Variants in SCGB2B2 observed in about 807,000 individuals in gnomAD.
The protein encoded by SCGB2B2 is secretoglobin-like protein.
In SCGB2B2, 11 loss-of-function variants were observed where a neutral mutation model predicts 7.6. The ratio of observed to expected loss-of-function variants is 1.45; its 90% CI spans 0.91 to 2.40. The LOEUF (loss-of-function observed/expected upper bound fraction) is 2.40, where lower values mean the gene tolerates loss of function less well. Among genes scored for constraint, SCGB2B2 ranks in the 30% most tolerant of loss-of-function variants. SCGB2B2 has a pLI of 0.00. For missense variants in SCGB2B2, 104 were observed against 115.4 expected (o/e 0.90, Z 0.45); for synonymous variants, 50 against 48.6 (o/e 1.03, Z -0.12).
intron 1 of SCGB2B2, among the ~76,000 whole-genome samples, chr19:34,663,741 G>A (rs547187563): frequency 2.6e-5 from 4 of 152,212 alleles, no homozygotes; most frequent in East Asian, 3.9e-4. Context: ...AAAGATGAGA[G>A]GCCATGGGAG....
chr19:34,616,067 T>C (rs564266149), intron 1 of SCGB2B2, among the ~76,000 whole-genome samples: 1,524 of 150,596 alleles, frequency 0.01, 12 homozygotes, highest in Non-Finnish European at 0.017. Flanking sequence ...ATGTGCCACA[T>C]TTTCTTAATC....
chr19:34,637,410 G>A (rs779666411), intron 1 of SCGB2B2, among the ~76,000 whole-genome samples: 16 of 152,178 alleles, frequency 1.1e-4, no homozygotes, highest in Non-Finnish European at 2.2e-4. Flanking sequence ...GAAGGAAACA[G>A]CAGCTCCTGG....
chr19:34,597,772 G>A (rs896957154), intron 1 of SCGB2B2, among the ~76,000 whole-genome samples: 2 of 152,172 alleles, frequency 1.3e-5, no homozygotes, highest in South Asian at 4.1e-4. Context: ...GCAGAGAGCG[G>A]GGCCCAGGGC....
intron 1 of SCGB2B2, among the ~76,000 whole-genome samples, chr19:34,615,179 T>C (rs1185147606): frequency 6.6e-6 from 1 of 152,084 alleles, no homozygotes; most frequent in Non-Finnish European, 1.5e-5. Context: ...CACAGTGCAA[T>C]AGCTGTATGG....
intron 1 of SCGB2B2, chr19:34,645,697 G>A (rs978199159): frequency 2.4e-6 from 1 of 425,052 alleles, no homozygotes; most frequent in South Asian, 2.0e-5. Flanking sequence ...CTCTTCTGCT[G>A]GCTCTAATCT....
At chr19:34,627,344 G>A (rs756923243) in intron 1 of SCGB2B2, among the ~76,000 whole-genome samples, 5 of 152,198 alleles carry the variant, frequency 3.3e-5, no homozygotes, top group Admixed American at 6.5e-5. Flanking sequence ...ACCCATCATT[G>A]TGCTGTATTC....
chr19:34,619,236 T>C (rs2066174149), intron 1 of SCGB2B2, among the ~76,000 whole-genome samples: 1 of 152,150 alleles, frequency 6.6e-6, no homozygotes, highest in South Asian at 2.1e-4. Context: ...AGACAGAATT[T>C]CATCAATAAA....
chr19:34,657,328 C>T (rs2067309074), intron 1 of SCGB2B2, among the ~76,000 whole-genome samples: 1 of 150,918 alleles, frequency 6.6e-6, no homozygotes, highest in African/African-American at 2.5e-5. Context: ...GAGTCAAGAC[C>T]CATCAGTGTG....
intron 1 of SCGB2B2, among the ~76,000 whole-genome samples, chr19:34,641,229 A>C (rs1173085228): frequency 2.6e-5 from 4 of 152,110 alleles, no homozygotes; most frequent in Non-Finnish European, 5.9e-5. Context: ...TCTGGTAGTC[A>C]TCGTAATAGT....
chr19:34,599,196 G>A (rs1389101440), intron 1 of SCGB2B2, among the ~76,000 whole-genome samples: 1 of 152,236 alleles, frequency 6.6e-6, no homozygotes, highest in Non-Finnish European at 1.5e-5. Flanking sequence ...GAGCTGGTGA[G>A]CCTGCTGAGC....
At chr19:34,616,280 G>A (rs2066077288) in intron 1 of SCGB2B2, among the ~76,000 whole-genome samples, 1 of 148,790 alleles carries the variant, frequency 6.7e-6, no homozygotes. Flanking sequence ...TTACACAATG[G>A]TTGAACTAGT....
At chr19:34,642,083 G>C (rs1166134759) in intron 1 of SCGB2B2, among the ~76,000 whole-genome samples, 1 of 152,194 alleles carries the variant, frequency 6.6e-6, no homozygotes, top group East Asian at 1.9e-4. Context: ...CCAGGAAGCT[G>C]ACAAGCTGGC....
At chr19:34,599,368 G>A (rs1377834195) in intron 1 of SCGB2B2, among the ~76,000 whole-genome samples, 2 of 152,204 alleles carry the variant, frequency 1.3e-5, no homozygotes, top group African/African-American at 2.4e-5. Context: ...TGCCAATAAA[G>A]ACATACTTGA....
chr19:34,593,450 G>T lies in SCGB2B2; in HGVS notation c.*105C>A. ...TGCCAGAACACAGAACTGAGCTGCA[G>T]GTGTTCATTGGGGTCTCTGTAGTGA... On this transcript the variant is annotated 3_prime_UTR_variant, in exon 4 of 4. Coordinates refer to ENST00000601241, the MANE Select transcript of SCGB2B2 (RefSeq NM_001025591.4). The T allele has an allele frequency of 2.5e-6, 2 of 790,612 alleles. No individual in the cohort carries two copies. Among genetic ancestry groups the T allele is most frequent in the Non-Finnish European group, 4.2e-6 (2 of 471,820 alleles). The allele number at this position is 790,612 out of a possible 1,614,324, so 49.0% of individuals were successfully genotyped here.
intron 1 of SCGB2B2, among the ~76,000 whole-genome samples, chr19:34,605,767 T>G (rs1202280782): frequency 1.3e-5 from 2 of 151,904 alleles, no homozygotes; most frequent in Non-Finnish European, 2.9e-5. Flanking sequence ...TTTTTTTGTA[T>G]TTTTTTAGTA....
intron 1 of SCGB2B2, among the ~76,000 whole-genome samples, chr19:34,644,349 T>G (rs28650962): frequency 8.0e-6 from 1 of 124,414 alleles, no homozygotes; most frequent in East Asian, 2.3e-4. Flanking sequence ...CTTGTTTTTT[T>G]GTTTTTTTTT....
chr19:34,672,290 T>C (rs538476240), intron 1 of SCGB2B2, among the ~76,000 whole-genome samples: 1 of 152,112 alleles, frequency 6.6e-6, no homozygotes, highest in African/African-American at 2.4e-5. Context: ...AAAATCTGTA[T>C]TGGTTTTACT....
At chr19:34,628,916 C>G (rs1033250747) in intron 1 of SCGB2B2, among the ~76,000 whole-genome samples, 2 of 151,928 alleles carry the variant, frequency 1.3e-5, no homozygotes, top group African/African-American at 2.4e-5. Flanking sequence ...AAAAGCTTAT[C>G]CACCACAATC....
At chr19:34,604,646 T>C (rs1283993353) in intron 1 of SCGB2B2, among the ~76,000 whole-genome samples, 2 of 152,260 alleles carry the variant, frequency 1.3e-5, no homozygotes, top group Non-Finnish European at 2.9e-5. Context: ...TTATTGATTT[T>C]TATGAAAATT....
Sources: allele counts gnomAD v4.1 joint callset (sites outside exome capture counted in the v4.1 genomes callset), GRCh38; gene constraint gnomAD v4.1.1; transcripts MANE v1.5; gene names NCBI Gene and HGNC (gene_info 2026-07-23, HGNC 2026-07-21).